Variants in SCN8A observed in about 807,000 individuals in gnomAD.
SCN8A encodes the protein sodium channel protein type 8 subunit alpha.
SCN8A carries 30 observed loss-of-function variants against 184.1 expected under a neutral mutation model. That is an observed-to-expected ratio of 0.16 (90% CI 0.12 to 0.22). The LOEUF (loss-of-function observed/expected upper bound fraction) is 0.22, where lower values mean the gene tolerates loss of function less well. SCN8A is among the 10% of genes least tolerant of loss of function. The pLI is 1.00. For synonymous variants in SCN8A, 852 were observed against 907.0 expected (o/e 0.94, Z 1.09); for missense variants, 1,057 against 2,498.9 (o/e 0.42, Z 12.30).
At chr12:51,737,736 C>T (rs1942351357) in intron 12 of SCN8A, among the ~76,000 whole-genome samples, 1 of 152,164 alleles carries the variant, frequency 6.6e-6, no homozygotes, top group Non-Finnish European at 1.5e-5. Context: ...TAGCAGGCTG[C>T]AGGTTGTTTA....
chr12:51,735,819 A>G (rs1324399413), intron 12 of SCN8A, among the ~76,000 whole-genome samples: 1 of 152,164 alleles, frequency 6.6e-6, no homozygotes, highest in East Asian at 1.9e-4. Context: ...TCTTGATGGT[A>G]TCCAAATCGG....
At chr12:51,780,183 T>A (rs762185746) in intron 20 of SCN8A, 2 of 455,976 alleles carry the variant, frequency 4.4e-6, no homozygotes, top group Non-Finnish European at 8.8e-6. Flanking sequence ...TGTGTATTTA[T>A]CTGTATTCTT....
In SCN8A at chr12:51,773,071, C is replaced by T. The variant is rs1942953592; in HGVS notation, c.3646-1118C>T. On this transcript the variant is annotated intron_variant, in intron 19 of 26. Coordinates refer to ENST00000627620, the MANE Select transcript of SCN8A (RefSeq NM_001330260.2). ...GGTGGAGGTTGCAGTGAGCTGAGAT[C>T]GCACCACTGCACTCCATCCTGGGCA... Among the ~76,000 whole-genome samples the T allele has an allele frequency of 3.3e-5, 5 of 151,592 alleles. No individual in the cohort carries two copies. In the South Asian group the frequency reaches 8.4e-4, roughly 25 times the overall value.
At chr12:51,795,956 A>G (rs1938394908) in intron 26 of SCN8A, among the ~76,000 whole-genome samples, 1 of 151,290 alleles carries the variant, frequency 6.6e-6, no homozygotes, top group Non-Finnish European at 1.5e-5. Context: ...CTGAGGTGGG[A>G]GGATTGTTTA....
At chr12:51,646,238 G>C (rs1457272642) in intron 1 of SCN8A, among the ~76,000 whole-genome samples, 1 of 152,190 alleles carries the variant, frequency 6.6e-6, no homozygotes, top group Non-Finnish European at 1.5e-5. Context: ...TTAGACGGTT[G>C]CTATGGTAAC....
intron 26 of SCN8A, among the ~76,000 whole-genome samples, chr12:51,804,453 G>A (rs1279520730): frequency 1.3e-5 from 2 of 150,920 alleles, no homozygotes; most frequent in Admixed American, 1.3e-4. Flanking sequence ...TGAGTAGCTC[G>A]GGTTACAGGC....
chr12:51,678,582 G>T (rs1271549347), intron 2 of SCN8A, among the ~76,000 whole-genome samples: 1 of 152,170 alleles, frequency 6.6e-6, no homozygotes, highest in African/African-American at 2.4e-5. Context: ...CGAAGAAAAT[G>T]AGATCTAGAG....
intron 11 of SCN8A, among the ~76,000 whole-genome samples, chr12:51,710,167 A>G (rs1396277840): frequency 2.0e-5 from 3 of 152,170 alleles, no homozygotes; most frequent in South Asian, 2.1e-4. Context: ...GATTCATTCT[A>G]TTTACTAATT....
At chr12:51,738,533 T>G (rs1209664472) in intron 12 of SCN8A, among the ~76,000 whole-genome samples, 1 of 152,208 alleles carries the variant, frequency 6.6e-6, no homozygotes, top group African/African-American at 2.4e-5. Flanking sequence ...CGTTTATCAG[T>G]AATTTGATTT....
chr12:51,629,035 G>T (rs1483000), intron 1 of SCN8A, among the ~76,000 whole-genome samples: 95,626 of 151,974 alleles, frequency 0.63, 32,563 homozygotes, highest in Non-Finnish European at 0.77. Flanking sequence ...TTGAAGAACT[G>T]CCATGCAGAA....
intron 1 of SCN8A, among the ~76,000 whole-genome samples, chr12:51,659,696 G>C (rs1406720162): frequency 6.6e-6 from 1 of 152,126 alleles, no homozygotes; most frequent in Non-Finnish European, 1.5e-5. Flanking sequence ...CTGAGGGCTG[G>C]TCCACTAGTG....
chr12:51,593,132 T>TA (rs2138541575), intron 1 of SCN8A, among the ~76,000 whole-genome samples: 1 of 152,236 alleles, frequency 6.6e-6, no homozygotes, highest in Non-Finnish European at 1.5e-5. Flanking sequence ...TCATGACCCA[T>TA]AAGGCCTTCA....
intron 26 of SCN8A, among the ~76,000 whole-genome samples, chr12:51,801,579 C>G (rs1425415802): frequency 1.3e-5 from 2 of 152,152 alleles, no homozygotes; most frequent in African/African-American, 4.8e-5. Context: ...GCTAACCAAG[C>G]AAATAAACTA....
chr12:51,731,439 C>T (rs1441605572), intron 12 of SCN8A, among the ~76,000 whole-genome samples: 5 of 151,588 alleles, frequency 3.3e-5, no homozygotes, highest in African/African-American at 1.2e-4. Flanking sequence ...TTAGTAGAGA[C>T]GGGGTTTTAC....
At chr12:51,665,659 T>A (rs1471089633) in intron 2 of SCN8A, among the ~76,000 whole-genome samples, 1 of 152,194 alleles carries the variant, frequency 6.6e-6, no homozygotes. Context: ...AAAGTCCACC[T>A]CCATTCTCCT....
At position 51,595,863 on chromosome 12, in the gene SCN8A, G is replaced by T. The variant is rs562860227; in HGVS notation, c.-55+4504G>T. On this transcript the variant is annotated intron_variant, in intron 1 of 26. Transcript: ENST00000627620. Reference sequence around the variant, plus strand: ...CAGTCTGGCATAGAGGATGGAACCCGTAGGTACCCTAACTTGGATGGACAT... The same window carrying T: ...CAGTCTGGCATAGAGGATGGAACCCTTAGGTACCCTAACTTGGATGGACAT... Among the ~76,000 whole-genome samples the T allele has an allele frequency of 9.2e-5, 14 of 152,318 alleles. No individual in the cohort carries two copies. The East Asian group carries it at 2.7e-3, about 29-fold the overall frequency.
intron 12 of SCN8A, among the ~76,000 whole-genome samples, chr12:51,739,772 C>T (rs1426772146): frequency 2.0e-5 from 3 of 152,150 alleles, no homozygotes; most frequent in Admixed American, 6.5e-5. Context: ...GAGACCAGCT[C>T]GGTCAGGGAG....
intron 19 of SCN8A, among the ~76,000 whole-genome samples, chr12:51,772,012 C>T (rs1464001797): frequency 6.6e-6 from 1 of 152,174 alleles, no homozygotes; most frequent in Non-Finnish European, 1.5e-5. Context: ...TACTGCTCAC[C>T]TTTGACAGTT....
At chr12:51,708,854 C>G (rs961706484) in intron 11 of SCN8A, among the ~76,000 whole-genome samples, 4 of 152,058 alleles carry the variant, frequency 2.6e-5, no homozygotes, top group Non-Finnish European at 5.9e-5. Flanking sequence ...TTATGGAGTA[C>G]CTACTACATA....
Sources: allele counts gnomAD v4.1 joint callset (sites outside exome capture counted in the v4.1 genomes callset), GRCh38; gene constraint gnomAD v4.1.1; transcripts MANE v1.5; gene names NCBI Gene and HGNC (gene_info 2026-07-23, HGNC 2026-07-21).